DOCK2: variants seen among roughly 807,000 people sequenced by gnomAD.
DOCK2 encodes the protein dedicator of cytokinesis protein 2.
A neutral mutation model predicts 248.9 loss-of-function variants in DOCK2; 87 were observed. That is an observed-to-expected ratio of 0.35 (90% CI 0.29 to 0.42). DOCK2 has a LOEUF of 0.42. Among genes scored for constraint, DOCK2 ranks in the 10% least tolerant of loss-of-function variants. The pLI is 1.00. For synonymous variants in DOCK2, 805 were observed against 821.6 expected, an observed-to-expected ratio of 0.98 and a Z score of 0.35; for missense variants, 1,747 against 2,300.2, an observed-to-expected ratio of 0.76 and a Z score of 4.92.
chr5:169,896,809 A>G (rs983414766), intron 27 of DOCK2, among the ~76,000 whole-genome samples: 5 of 152,216 alleles, frequency 3.3e-5, no homozygotes, highest in African/African-American at 9.6e-5. Context: ...TTGATAATGT[A>G]GAAGAGGATA....
chr5:170,009,278 G>C (rs1755190173), intron 32 of DOCK2, among the ~76,000 whole-genome samples: 1 of 152,076 alleles, frequency 6.6e-6, no homozygotes, highest in Non-Finnish European at 1.5e-5. Flanking sequence ...TGGAACGAAG[G>C]AGACATTATT....
At chr5:169,752,138 C>G (rs1763927478) in intron 23 of DOCK2, among the ~76,000 whole-genome samples, 1 of 152,170 alleles carries the variant, frequency 6.6e-6, no homozygotes, top group Admixed American at 6.5e-5. Context: ...CAACACCACA[C>G]ACATGTAAAT....
chr5:169,699,615 C>T (rs1257720551), intron 12 of DOCK2, among the ~76,000 whole-genome samples, 157 bp downstream of exon 12: 1 of 152,214 alleles, frequency 6.6e-6, no homozygotes, highest in Non-Finnish European at 1.5e-5. Context: ...AGGGATAAGT[C>T]ACATTTTCTG....
At chr5:169,670,014 T>A (rs547671087) in intron 3 of DOCK2, among the ~76,000 whole-genome samples, 3 of 152,268 alleles carry the variant, frequency 2.0e-5, no homozygotes, top group African/African-American at 7.2e-5. Context: ...CAAAGAACAA[T>A]GGAATAAATG....
intron 23 of DOCK2, among the ~76,000 whole-genome samples, chr5:169,759,473 A>T (rs1287293393): frequency 6.6e-6 from 1 of 152,242 alleles, no homozygotes; most frequent in Admixed American, 6.5e-5. Context: ...GTCTGTGGTC[A>T]TTCTAGTCTA....
intron 35 of DOCK2, among the ~76,000 whole-genome samples, chr5:170,035,387 C>G (rs1272644830): frequency 6.6e-6 from 1 of 152,162 alleles, no homozygotes; most frequent in Non-Finnish European, 1.5e-5. Context: ...TCCCTTTACC[C>G]TAAATAGACT....
chr5:169,847,215 T>C (rs1205517233), intron 27 of DOCK2, among the ~76,000 whole-genome samples: 1 of 152,222 alleles, frequency 6.6e-6, no homozygotes, highest in East Asian at 1.9e-4. Context: ...ATACCCAGTA[T>C]TGAGATTGCT....
chr5:170,022,882 C>T (rs917079012), intron 33 of DOCK2, among the ~76,000 whole-genome samples: 1 of 152,168 alleles, frequency 6.6e-6, no homozygotes, highest in African/African-American at 2.4e-5. Flanking sequence ...GGCATTTAGA[C>T]CCCCATCCCA....
chr5:169,999,642 T>C (rs369577532), intron 30 of DOCK2, among the ~76,000 whole-genome samples: 9 of 152,200 alleles, frequency 5.9e-5, no homozygotes, highest in East Asian at 1.9e-4. Flanking sequence ...GAGGCTTCCA[T>C]AGCTATTTAT....
intron 27 of DOCK2, among the ~76,000 whole-genome samples, chr5:169,872,861 A>G (rs1459144019): frequency 1.3e-5 from 2 of 152,216 alleles, no homozygotes; most frequent in Non-Finnish European, 1.5e-5. Flanking sequence ...CATCTGTAAA[A>G]TGGGAATGTT....
rs1171601299 is a variant in DOCK2 at position 169,727,832 on chromosome 5, G to A, written c.2267+9041G>A. 2.0e-5 allele frequency among the ~76,000 whole-genome samples: 3 copies of A among 152,034 alleles called. No individual in the cohort carries two copies. In the East Asian group the frequency reaches 5.8e-4, roughly 29 times the overall value. On this transcript the variant is annotated intron_variant, in intron 22 of 51. Transcript: ENST00000520908. ...AGCAGTTTGGAAACTTCTGCTTTTG[G>A]CGGTGGGGAGCCACTGAAGTTCTAA...
chr5:170,081,506 G>T (rs762933767), intron 50 of DOCK2: 2 of 260,994 alleles, frequency 7.7e-6, no homozygotes, highest in Non-Finnish European at 1.5e-5. Flanking sequence ...CAGGGTGTTG[G>T]TGTTGGGAGC....
intron 25 of DOCK2, among the ~76,000 whole-genome samples, chr5:169,780,295 ATGTGTGTGTGTG>A (rs3138738): frequency 1.1e-3 from 158 of 137,790 alleles, no homozygotes; most frequent in African/African-American, 2.2e-3. Flanking sequence ...AACCCAATAA[ATGTGTGTGTGTG>A]TGTGTGTGTG....
chr5:170,015,452 T>C (rs575600315), intron 32 of DOCK2, among the ~76,000 whole-genome samples: 4 of 152,252 alleles, frequency 2.6e-5, no homozygotes, highest in Non-Finnish European at 5.9e-5. Context: ...GAGGAGAGAA[T>C]TGATTGCCTG....
At chr5:169,701,365 T>C (rs1322062891) in intron 13 of DOCK2, among the ~76,000 whole-genome samples, 1 of 152,254 alleles carries the variant, frequency 6.6e-6, no homozygotes, top group Non-Finnish European at 1.5e-5. Flanking sequence ...CCGTTCACGA[T>C]GGCTCTCACT....
At chr5:169,697,934 CAT>C (rs1316039207) in intron 10 of DOCK2, among the ~76,000 whole-genome samples, 2 of 152,162 alleles carry the variant, frequency 1.3e-5, no homozygotes, top group African/African-American at 2.4e-5. Context: ...TGTATCTGTA[CAT>C]ATGAGTATGC....
At chr5:169,734,256 A>G (rs781397598) in intron 22 of DOCK2, among the ~76,000 whole-genome samples, 34 of 152,066 alleles carry the variant, frequency 2.2e-4, no homozygotes, top group Middle Eastern at 3.4e-3. Flanking sequence ...TTGTTTTTAT[A>G]ATATTTTGTT....
chr5:169,684,811 G>C (rs1759866273), intron 8 of DOCK2, among the ~76,000 whole-genome samples: 5 of 152,124 alleles, frequency 3.3e-5, no homozygotes, highest in Admixed American at 2.0e-4. Flanking sequence ...CACCACACCT[G>C]CTTAATTTTT....
intron 27 of DOCK2, among the ~76,000 whole-genome samples, chr5:169,941,481 G>A (rs1175572088): frequency 6.6e-6 from 1 of 152,124 alleles, no homozygotes; most frequent in Non-Finnish European, 1.5e-5. Flanking sequence ...GGTTACTGCA[G>A]GTGCAAAGGC....
Sources: gnomAD v4.1 joint callset for allele counts (sites outside exome capture counted in the v4.1 genomes callset) on GRCh38, gnomAD v4.1.1 for gene constraint, MANE v1.5 for transcripts, NCBI Gene and HGNC (gene_info 2026-07-23, HGNC 2026-07-21) for gene names.